Variants in MTHFS observed in about 807,000 individuals in gnomAD.
MTHFS encodes the protein methenyltetrahydrofolate synthetase, also known as 5-formyltetrahydrofolate cyclo-ligase.
A neutral mutation model predicts 12.7 loss-of-function variants in MTHFS; 7 were observed. The observed-to-expected ratio is 0.55, with a 90% CI of 0.31 to 1.03. The LOEUF (loss-of-function observed/expected upper bound fraction) is 1.03, where lower values mean the gene tolerates loss of function less well. Ranked by LOEUF, MTHFS falls within the 50% of genes least tolerant of loss-of-function variation. The probability of loss-of-function intolerance (pLI) is 0.05; values close to 1 mark genes in which losing one functional copy is unlikely to be tolerated. For synonymous variants in MTHFS, 100 were observed against 97.1 expected (o/e 1.03, Z -0.18); for missense variants, 252 against 258.1 (o/e 0.98, Z 0.16).
chr15:79,861,006 A>G (rs1384857599), intron 2 of MTHFS, among the ~76,000 whole-genome samples: 1 of 152,124 alleles, frequency 6.6e-6, no homozygotes, highest in East Asian at 1.9e-4. Flanking sequence ...GCACATCCCA[A>G]TGGGATCCTT....
chr15:79,878,200 T>C (rs1304328599), intron 2 of MTHFS: 3 of 152,048 alleles, frequency 2.0e-5, no homozygotes, highest in Non-Finnish European at 4.4e-5. Flanking sequence ...TTATAGTACA[T>C]ACAGATGTAA....
chr15:79,891,398 G>A (rs1368117974), intron 1 of MTHFS, among the ~76,000 whole-genome samples: 2 of 152,084 alleles, frequency 1.3e-5, no homozygotes, highest in African/African-American at 4.8e-5. Context: ...ATAATTTTTT[G>A]AAATTCTAAT....
At chr15:79,879,318 ACC>A (rs1296279512) in intron 2 of MTHFS, among the ~76,000 whole-genome samples, 2 of 118,204 alleles carry the variant, frequency 1.7e-5, no homozygotes, top group Non-Finnish European at 3.5e-5. Flanking sequence ...TTAAATTATT[ACC>A]CTTTTTTTTT....
chr15:79,872,293 A>T (rs1394499582), intron 2 of MTHFS, among the ~76,000 whole-genome samples: 5 of 152,146 alleles, frequency 3.3e-5, no homozygotes, highest in African/African-American at 1.2e-4. Flanking sequence ...ATTTTCTCTG[A>T]TCTAATTCTG....
intron 2 of MTHFS, among the ~76,000 whole-genome samples, chr15:79,856,614 G>C (rs574285562): frequency 5.3e-5 from 8 of 152,270 alleles, no homozygotes; most frequent in African/African-American, 1.9e-4. Context: ...GCTGAAGAAA[G>C]GGGGGAAAGA....
At chr15:79,869,301 A>G (rs980887166) in intron 2 of MTHFS, among the ~76,000 whole-genome samples, 3 of 152,254 alleles carry the variant, frequency 2.0e-5, no homozygotes, top group African/African-American at 7.2e-5. Flanking sequence ...GAATCAGTGC[A>G]AATATTTCCC....
chr15:79,867,007 C>T (rs1267004468), intron 2 of MTHFS, among the ~76,000 whole-genome samples: 1 of 151,700 alleles, frequency 6.6e-6, no homozygotes, highest in East Asian at 1.9e-4. Context: ...AAAAAGTACT[C>T]TTTTAGTGCC....
At chr15:79,888,241 AG>A (rs1176887539) in intron 2 of MTHFS, among the ~76,000 whole-genome samples, 1 of 152,180 alleles carries the variant, frequency 6.6e-6, no homozygotes, top group Non-Finnish European at 1.5e-5. Flanking sequence ...TGGGAAACAG[AG>A]ATACTCAGAG....
intron 2 of MTHFS, among the ~76,000 whole-genome samples, chr15:79,860,376 G>A (rs554040814): frequency 8.6e-5 from 13 of 150,586 alleles, no homozygotes; most frequent in African/African-American, 2.9e-4. Context: ...GCAACAGAGC[G>A]AGACTCCATC....
chr15:79,887,481 T>C (rs2034402534), intron 2 of MTHFS, among the ~76,000 whole-genome samples: 1 of 152,206 alleles, frequency 6.6e-6, no homozygotes, highest in Non-Finnish European at 1.5e-5. Flanking sequence ...AGGAATTAGT[T>C]ACTGGAGGAA....
chr15:79,891,580 T>C (rs1008330498), intron 1 of MTHFS, among the ~76,000 whole-genome samples: 10 of 151,590 alleles, frequency 6.6e-5, no homozygotes, highest in Non-Finnish European at 8.8e-5. Flanking sequence ...AAGGCAAAAA[T>C]AGGAAAAATG....
intron 2 of MTHFS, among the ~76,000 whole-genome samples, chr15:79,866,164 A>C (rs1308838174): frequency 6.6e-6 from 1 of 152,122 alleles, no homozygotes; most frequent in Admixed American, 6.5e-5. Flanking sequence ...AGCAGCAGGA[A>C]TATGTCCAGT....
At chr15:79,884,951 G>A (rs1334845328) in intron 2 of MTHFS, among the ~76,000 whole-genome samples, 2 of 134,910 alleles carry the variant, frequency 1.5e-5, no homozygotes, top group Non-Finnish European at 3.3e-5. Flanking sequence ...ACCTTCCACA[G>A]AGCAGTGATC....
At chr15:79,866,821 T>C (rs1320018667) in intron 2 of MTHFS, among the ~76,000 whole-genome samples, 2 of 152,040 alleles carry the variant, frequency 1.3e-5, no homozygotes, top group African/African-American at 2.4e-5. Context: ...GGCATGGTGG[T>C]GGCAGGCACC....
intron 1 of MTHFS, among the ~76,000 whole-genome samples, chr15:79,893,173 G>A (rs1371273042): frequency 6.6e-6 from 1 of 152,130 alleles, no homozygotes; most frequent in African/African-American, 2.4e-5. Flanking sequence ...GGCAGGCCGA[G>A]GCAGGTGGAT....
chr15:79,895,464 G>C (rs571153699), intron 1 of MTHFS, among the ~76,000 whole-genome samples: 3 of 152,130 alleles, frequency 2.0e-5, no homozygotes, highest in African/African-American at 4.8e-5. Context: ...TGCTCCTTTA[G>C]AGCAACAATC....
intron 2 of MTHFS, among the ~76,000 whole-genome samples, chr15:79,883,551 T>C (rs1376086084): frequency 6.6e-6 from 1 of 152,186 alleles, no homozygotes; most frequent in East Asian, 1.9e-4. Context: ...GCCAAGTACA[T>C]AAGAATTACG....
At chr15:79,876,432 G>A (rs977225132) in intron 2 of MTHFS, 1 of 151,774 alleles carries the variant, frequency 6.6e-6, no homozygotes, top group Non-Finnish European at 1.5e-5. Context: ...CTAACATGGT[G>A]AAACCCGGTC....
chr15:79,897,140 CG>C (rs1567002349), upstream of MTHFS: 1 of 633,482 alleles, frequency 1.6e-6, no homozygotes, highest in African/African-American at 1.9e-5. Flanking sequence ...GACGCGGGCC[CG>C]CGGCGCGCCG....
Sources: gnomAD v4.1 joint callset for allele counts (sites outside exome capture counted in the v4.1 genomes callset) on GRCh38, gnomAD v4.1.1 for gene constraint, MANE v1.5 for transcripts, NCBI Gene and HGNC (gene_info 2026-07-23, HGNC 2026-07-21) for gene names.